Variants in SEMA3A observed in about 807,000 individuals in gnomAD.
The protein encoded by SEMA3A is semaphorin 3A, also known as semaphorin-3A.
SEMA3A carries 29 observed loss-of-function variants against 97.9 expected under a neutral mutation model. The observed-to-expected ratio is 0.30, with a 90% confidence interval of 0.22 to 0.40. The LOEUF (loss-of-function observed/expected upper bound fraction) is 0.40. Ranked by LOEUF, SEMA3A falls within the 10% of genes least tolerant of loss-of-function variation. SEMA3A has a pLI of 1.00. For synonymous variants in SEMA3A, 321 were observed against 323.7 expected (o/e 0.99, Z 0.09); for missense variants, 763 against 951.3 (o/e 0.80, Z 2.60).
chr7:84,373,827 A>T (rs1803033510), intron 1 of SEMA3A, among the ~76,000 whole-genome samples: 1 of 152,246 alleles, frequency 6.6e-6, no homozygotes, highest in African/African-American at 2.4e-5. Context: ...CTGGAAAATA[A>T]AAGTGAGTAC....
At chr7:84,475,801 CA>C (rs1321261132) in intron 1 of SEMA3A, among the ~76,000 whole-genome samples, 7 of 152,144 alleles carry the variant, frequency 4.6e-5, no homozygotes, top group Admixed American at 4.6e-4. Flanking sequence ...TGGATCAAAG[CA>C]AATTATTCCC....
intron 1 of SEMA3A, among the ~76,000 whole-genome samples, chr7:84,150,642 A>G (rs911100247): frequency 2.6e-5 from 4 of 152,166 alleles, no homozygotes; most frequent in African/African-American, 9.7e-5. Context: ...TCAAACTGCA[A>G]GGCGGCAGTG....
At chr7:84,113,852 G>A (rs984086409) in intron 3 of SEMA3A, among the ~76,000 whole-genome samples, 2 of 152,126 alleles carry the variant, frequency 1.3e-5, no homozygotes, top group African/African-American at 4.8e-5. Flanking sequence ...GGCCACACCT[G>A]AGGAGTAATG....
intron 5 of SEMA3A, among the ~76,000 whole-genome samples, chr7:84,051,472 A>G (rs904673382): frequency 6.6e-6 from 1 of 152,144 alleles, no homozygotes; most frequent in Admixed American, 6.5e-5. Context: ...CTTTGAAGCA[A>G]TTGTGAATGG....
chr7:84,052,320 G>A (rs530235459), intron 5 of SEMA3A, among the ~76,000 whole-genome samples: 17 of 152,208 alleles, frequency 1.1e-4, no homozygotes, highest in African/African-American at 1.9e-4. Flanking sequence ...GGTACAATTC[G>A]GCTGTGAATC....
At chr7:84,196,206 G>C (rs1256529624), upstream of SEMA3A, among the ~76,000 whole-genome samples, 1 of 151,822 alleles carries the variant, frequency 6.6e-6, no homozygotes, top group Non-Finnish European at 1.5e-5. Flanking sequence ...GCTGAAGGGA[G>C]AGAGTGAGTC....
intron 1 of SEMA3A, among the ~76,000 whole-genome samples, chr7:84,453,894 G>C (rs1805625548): frequency 6.6e-6 from 1 of 151,926 alleles, no homozygotes. Context: ...TTCTAGAAAA[G>C]AAAGTAATAC....
At chr7:84,343,339 G>A (rs1263462183) in intron 2 of SEMA3A, among the ~76,000 whole-genome samples, 1 of 152,122 alleles carries the variant, frequency 6.6e-6, no homozygotes, top group African/African-American at 2.4e-5. Context: ...AACACTGGAA[G>A]GTCTACTCAT....
At chr7:84,179,455 T>C (rs1797669161) in intron 1 of SEMA3A, among the ~76,000 whole-genome samples, 1 of 152,152 alleles carries the variant, frequency 6.6e-6, no homozygotes, top group Non-Finnish European at 1.5e-5. Context: ...TCTATATAGG[T>C]TCAGTTTAAT....
intron 1 of SEMA3A, among the ~76,000 whole-genome samples, chr7:84,487,862 T>C (rs146251038): frequency 5.3e-4 from 80 of 152,258 alleles, no homozygotes; most frequent in African/African-American, 1.9e-3. Flanking sequence ...ATATCTTTTA[T>C]ACAAACCAAA....
chr7:84,244,767 G>A (rs1343699123), intron 3 of SEMA3A, among the ~76,000 whole-genome samples: 1 of 152,044 alleles, frequency 6.6e-6, no homozygotes, highest in African/African-American at 2.4e-5. Context: ...AGGAGCTCTT[G>A]TAAGACAGGC....
At chr7:83,984,385 A>AT (rs1212721451) in intron 13 of SEMA3A, among the ~76,000 whole-genome samples, 1 of 152,078 alleles carries the variant, frequency 6.6e-6, no homozygotes, top group Non-Finnish European at 1.5e-5. Context: ...TATCTTGGAG[A>AT]TTATCGATCT....
At chr7:84,091,204 G>GAAAT (rs1225606294) in intron 4 of SEMA3A, among the ~76,000 whole-genome samples, 2 of 69,104 alleles carry the variant, frequency 2.9e-5, no homozygotes, top group South Asian at 8.8e-4. Context: ...AAGAAAGAAA[G>GAAAT]AAAGAAAGAA....
chr7:84,006,291 A>G (rs946586367), intron 10 of SEMA3A, among the ~76,000 whole-genome samples: 11 of 152,164 alleles, frequency 7.2e-5, no homozygotes, highest in African/African-American at 2.7e-4. Flanking sequence ...TTCAAACTGA[A>G]AAACAATATA....
chr7:84,372,232 G>C (rs1171713790), intron 1 of SEMA3A: 1 of 151,948 alleles, frequency 6.6e-6, no homozygotes, highest in Admixed American at 6.6e-5. Context: ...GACAAAATCT[G>C]TTCGCCCTCT....
intron 4 of SEMA3A, among the ~76,000 whole-genome samples, chr7:84,085,248 T>TTA (rs1794294303): frequency 6.6e-6 from 1 of 151,406 alleles, no homozygotes; most frequent in South Asian, 2.1e-4. Context: ...GAGATTTTTT[T>TTA]TTCTAACTGC....
chr7:84,269,042 T>G (rs1169993386), intron 3 of SEMA3A, among the ~76,000 whole-genome samples: 1 of 152,158 alleles, frequency 6.6e-6, no homozygotes, highest in East Asian at 1.9e-4. Context: ...TTCTTCATTC[T>G]TTCTTCTTTT....
At position 84,384,535 on chromosome 7, in the gene SEMA3A, A is replaced by C. The variant is rs192284617; in HGVS notation, c.-245-12635T>G. On this transcript the variant is annotated intron_variant, in intron 1 of 3. Transcript: ENST00000424555. ...AAAATGTCAGAGACTGAATACAACA[A>C]AGGTTTATTTCTCATTCCTACAAGT... 3.5e-3 allele frequency among the ~76,000 whole-genome samples: 533 copies of C among 152,276 alleles called. 2 individuals carry two copies. Among genetic ancestry groups the C allele is most frequent in the Non-Finnish European group, 5.2e-3 (353 of 68,028 alleles).
chr7:84,300,907 T>A (rs909438602), intron 3 of SEMA3A, among the ~76,000 whole-genome samples: 2 of 152,136 alleles, frequency 1.3e-5, no homozygotes, highest in African/African-American at 4.8e-5. Context: ...GTCACTTAGT[T>A]CGACACATTC....
Sources: allele counts gnomAD v4.1 joint callset (sites outside exome capture counted in the v4.1 genomes callset), GRCh38; gene constraint gnomAD v4.1.1; transcripts MANE v1.5; gene names NCBI Gene and HGNC (gene_info 2026-07-23, HGNC 2026-07-21).